The following ROBO1 variants were observed in gnomAD, a reference collection of about 807,000 sequenced individuals.
ROBO1 encodes roundabout homolog 1.
In ROBO1, 149 loss-of-function variants were observed where a neutral mutation model predicts 195.9. The ratio of observed to expected loss-of-function variants is 0.76; its 90% CI spans 0.67 to 0.87. The LOEUF (loss-of-function observed/expected upper bound fraction) is 0.87, where lower values mean the gene tolerates loss of function less well. ROBO1 is among the 40% of genes least tolerant of loss of function. ROBO1 has a pLI of 0.00. For missense variants in ROBO1, 1,933 were observed against 2,068.3 expected (o/e 0.93, Z 1.27); for synonymous variants, 816 against 733.2 (o/e 1.11, Z -1.82).
chr3:78,909,502 C>G (rs758645955), intron 4 of ROBO1, among the ~76,000 whole-genome samples: 9 of 151,758 alleles, frequency 5.9e-5, no homozygotes, highest in Non-Finnish European at 1.0e-4. Flanking sequence ...ATACATTAAA[C>G]TCGATGACGT....
chr3:79,436,197 T>C (rs1183324045), intron 2 of ROBO1, among the ~76,000 whole-genome samples: 2 of 152,210 alleles, frequency 1.3e-5, no homozygotes, highest in Non-Finnish European at 2.9e-5. Flanking sequence ...TAAAATGCCA[T>C]TTTAAAAATA....
chr3:78,849,651 T>A (rs915857233), intron 4 of ROBO1, among the ~76,000 whole-genome samples: 1 of 152,110 alleles, frequency 6.6e-6, no homozygotes, highest in African/African-American at 2.4e-5. Context: ...ATCATTTTCC[T>A]TTTGTAGCTA....
At chr3:78,919,775 A>G (rs1421872869) in intron 4 of ROBO1, among the ~76,000 whole-genome samples, 41 of 152,260 alleles carry the variant, frequency 2.7e-4, no homozygotes, top group Admixed American at 2.6e-3. Context: ...AATAAAGGCA[A>G]AAAGAAGAAA....
chr3:79,238,359 T>C (rs937491358), intron 2 of ROBO1, among the ~76,000 whole-genome samples: 2 of 152,172 alleles, frequency 1.3e-5, no homozygotes, highest in Admixed American at 1.3e-4. Context: ...AATCCATACA[T>C]TCAAAATTTC....
At chr3:79,041,128 A>G (rs2078480415) in intron 3 of ROBO1, among the ~76,000 whole-genome samples, 1 of 152,132 alleles carries the variant, frequency 6.6e-6, no homozygotes, top group Non-Finnish European at 1.5e-5. Flanking sequence ...TGCTTCCATC[A>G]CTGTTCTCAC....
intron 11 of ROBO1, 136 bp from the exon 12 acceptor site, chr3:78,668,701 G>A: frequency 1.6e-6 from 1 of 636,276 alleles, no homozygotes; most frequent in Non-Finnish European, 2.7e-6. Flanking sequence ...CTTCCCCTTA[G>A]TTGAATATAT....
At chr3:79,762,570 A>T (rs570172398) in intron 1 of ROBO1, among the ~76,000 whole-genome samples, 3 of 150,718 alleles carry the variant, frequency 2.0e-5, no homozygotes, top group South Asian at 2.1e-4. Flanking sequence ...CGCTAAAAAA[A>T]TAAGAAAGTG....
intron 4 of ROBO1, among the ~76,000 whole-genome samples, chr3:78,819,302 T>C (rs982324522): frequency 1.7e-4 from 26 of 152,192 alleles, no homozygotes; most frequent in Non-Finnish European, 3.4e-4. Flanking sequence ...CTCTTGTTTA[T>C]CTTTAATTAC....
intron 2 of ROBO1, among the ~76,000 whole-genome samples, chr3:79,241,195 G>A (rs1357738672): frequency 2.0e-5 from 3 of 151,992 alleles, no homozygotes; most frequent in East Asian, 1.9e-4. Context: ...ATCATTAAAC[G>A]TTTTCGAAAG....
At chr3:79,039,014 T>C (rs1402698516) in intron 3 of ROBO1, among the ~76,000 whole-genome samples, 4 of 152,158 alleles carry the variant, frequency 2.6e-5, no homozygotes, top group Admixed American at 1.3e-4. Context: ...AAAGCCAGCC[T>C]GACAGTTGAG....
At chr3:78,891,311 G>A (rs1319249715) in intron 4 of ROBO1, among the ~76,000 whole-genome samples, 1 of 152,024 alleles carries the variant, frequency 6.6e-6, no homozygotes, top group Non-Finnish European at 1.5e-5. Context: ...ATCTTGGACA[G>A]ACATTTCGCA....
intron 2 of ROBO1, among the ~76,000 whole-genome samples, chr3:79,347,938 G>A (rs564996726): frequency 5.9e-5 from 9 of 152,224 alleles, no homozygotes; most frequent in South Asian, 2.1e-4. Context: ...TTGGTGGGGC[G>A]CAGTGGCTCA....
At chr3:79,095,610 T>G (rs2079552820) in intron 3 of ROBO1, among the ~76,000 whole-genome samples, 2 of 152,082 alleles carry the variant, frequency 1.3e-5, no homozygotes, top group African/African-American at 4.8e-5. Context: ...TACTCCTGGA[T>G]TCTTTACCTT....
chr3:79,105,814 A>G (rs745536455), intron 3 of ROBO1, among the ~76,000 whole-genome samples: 3 of 151,786 alleles, frequency 2.0e-5, no homozygotes, highest in Admixed American at 6.6e-5. Flanking sequence ...AACCAATTTC[A>G]GCGTAGTGTT....
intron 1 of ROBO1, among the ~76,000 whole-genome samples, chr3:79,599,382 T>G (rs971589716): frequency 5.3e-5 from 8 of 152,052 alleles, no homozygotes; most frequent in Non-Finnish European, 8.8e-5. Context: ...TTCTTAGAAT[T>G]CATAAATGCT....
intron 2 of ROBO1, among the ~76,000 whole-genome samples, chr3:79,562,490 T>A (rs973153549): frequency 6.6e-6 from 1 of 152,036 alleles, no homozygotes; most frequent in African/African-American, 2.4e-5. Context: ...TATATATCAT[T>A]GGGAAATCAT....
chr3:78,820,527 C>A (rs1268245565), intron 4 of ROBO1, among the ~76,000 whole-genome samples: 1 of 152,050 alleles, frequency 6.6e-6, no homozygotes, highest in Non-Finnish European at 1.5e-5. Flanking sequence ...TAGTAAGAGA[C>A]CAAAGTAGCT....
At chr3:78,952,811 CTTTA>C (rs1215361537) in intron 3 of ROBO1, among the ~76,000 whole-genome samples, 1 of 151,980 alleles carries the variant, frequency 6.6e-6, no homozygotes, top group Non-Finnish European at 1.5e-5. Context: ...CGCTCAGCTA[CTTTA>C]TTTTATTCTA....
intron 1 of ROBO1, among the ~76,000 whole-genome samples, chr3:79,615,076 T>C (rs958156443): frequency 1.3e-5 from 2 of 152,004 alleles, no homozygotes; most frequent in African/African-American, 4.8e-5. Context: ...TGGGAACAAG[T>C]AGTCAAACAT....
Sources: gnomAD v4.1 joint callset for allele counts (sites outside exome capture counted in the v4.1 genomes callset) on GRCh38, gnomAD v4.1.1 for gene constraint, MANE v1.5 for transcripts, NCBI Gene and HGNC (gene_info 2026-07-23, HGNC 2026-07-21) for gene names.